Variants in ESR1 observed in about 807,000 individuals in gnomAD.
The protein encoded by ESR1 is estrogen receptor 1, also known as estrogen receptor.
In ESR1, 12 loss-of-function variants were observed where a neutral mutation model predicts 52.7. The observed-to-expected ratio is 0.23, with a 90% CI of 0.15 to 0.37. The LOEUF (loss-of-function observed/expected upper bound fraction) is 0.37, where lower values mean the gene tolerates loss of function less well. Ranked by LOEUF, ESR1 falls within the 10% of genes least tolerant of loss-of-function variation. ESR1 has a pLI of 1.00. For missense variants in ESR1, 584 were observed against 779.7 expected (o/e 0.75, Z 2.99); for synonymous variants, 305 against 316.8 (o/e 0.96, Z 0.39).
intron 2 of ESR1, among the ~76,000 whole-genome samples, chr6:151,726,318 G>A (rs925218084): frequency 6.6e-6 from 1 of 151,522 alleles, no homozygotes; most frequent in Non-Finnish European, 1.5e-5. Flanking sequence ...ACACTTTTAT[G>A]TTATTATTAA....
At chr6:151,782,420 A>G (rs896226737) in intron 2 of ESR1, among the ~76,000 whole-genome samples, 9 of 152,324 alleles carry the variant, frequency 5.9e-5, no homozygotes, top group Admixed American at 2.6e-4. Flanking sequence ...ATAAAGATTT[A>G]TTTAACCCTT....
intron 5 of ESR1, among the ~76,000 whole-genome samples, chr6:152,059,629 T>C (rs1024428582): frequency 6.6e-6 from 1 of 152,182 alleles, no homozygotes; most frequent in African/African-American, 2.4e-5. Flanking sequence ...ATCAACAGTC[T>C]ATTGTACAAG....
chr6:152,048,851 A>G (rs764287196), intron 5 of ESR1, among the ~76,000 whole-genome samples: 33 of 152,244 alleles, frequency 2.2e-4, no homozygotes, highest in Non-Finnish European at 4.1e-4. Flanking sequence ...TCTCAGATAT[A>G]TAACATAGAA....
intron 2 of ESR1, among the ~76,000 whole-genome samples, chr6:151,748,571 A>G (rs181835129): frequency 2.0e-5 from 3 of 152,310 alleles, no homozygotes; most frequent in Admixed American, 2.0e-4. Flanking sequence ...TCTTGAGTAC[A>G]TTTGTGAAGA....
chr6:151,685,967 G>C (rs558649920), upstream of ESR1, among the ~76,000 whole-genome samples: 6 of 151,748 alleles, frequency 4.0e-5, no homozygotes, highest in East Asian at 9.7e-4. Context: ...GCAGCGGCAC[G>C]AACGTGGCTC....
At chr6:151,742,513 G>A (rs908420157) in intron 2 of ESR1, among the ~76,000 whole-genome samples, 32 of 152,226 alleles carry the variant, frequency 2.1e-4, no homozygotes, top group African/African-American at 6.5e-4. Context: ...AGTTACCAGC[G>A]CTAACTCTGG....
At chr6:152,017,882 G>A (rs2043284227) in intron 5 of ESR1, among the ~76,000 whole-genome samples, 1 of 152,046 alleles carries the variant, frequency 6.6e-6, no homozygotes. Flanking sequence ...AGAAATATTT[G>A]CGGATTTCTC....
At chr6:151,980,339 A>T (rs1008928133) in intron 4 of ESR1, among the ~76,000 whole-genome samples, 3 of 152,290 alleles carry the variant, frequency 2.0e-5, no homozygotes, top group Admixed American at 2.0e-4. Flanking sequence ...TTAATTTCCC[A>T]GTCTCTTCTC....
chr6:151,781,331 C>T (rs115377932), intron 2 of ESR1, among the ~76,000 whole-genome samples: 1,686 of 152,264 alleles, frequency 0.011, 30 homozygotes, highest in African/African-American at 0.036. Flanking sequence ...TGGTGGAAGG[C>T]GGAAGGGCCA....
At chr6:151,934,795 T>C (rs1208997793) in intron 3 of ESR1, among the ~76,000 whole-genome samples, 1 of 152,212 alleles carries the variant, frequency 6.6e-6, no homozygotes, top group Non-Finnish European at 1.5e-5. Flanking sequence ...CAATTTGTAA[T>C]CTCTAATAAG....
chr6:151,903,241 C>T (rs559243775), intron 3 of ESR1, among the ~76,000 whole-genome samples: 32 of 152,146 alleles, frequency 2.1e-4, no homozygotes, highest in Non-Finnish European at 3.5e-4. Context: ...TGTTTTCCTT[C>T]TGAATTGCTA....
intron 6 of ESR1, among the ~76,000 whole-genome samples, chr6:152,091,590 A>ATGTG (rs2050183095): frequency 6.6e-6 from 1 of 152,176 alleles, no homozygotes; most frequent in Non-Finnish European, 1.5e-5. Context: ...GAAGGAACCC[A>ATGTG]CACGCACCTT....
intron 3 of ESR1, among the ~76,000 whole-genome samples, chr6:151,935,624 C>T (rs1255273484): frequency 6.6e-6 from 1 of 152,194 alleles, no homozygotes; most frequent in African/African-American, 2.4e-5. Flanking sequence ...GTCCTGACAC[C>T]CACCAACTCA....
chr6:151,953,787 C>T (rs2036595077), intron 4 of ESR1, among the ~76,000 whole-genome samples: 1 of 152,090 alleles, frequency 6.6e-6, no homozygotes. Context: ...AAGAATTCAC[C>T]TATTTCCTAT....
intron 5 of ESR1, among the ~76,000 whole-genome samples, chr6:152,049,477 T>C (rs1221554518): frequency 2.0e-5 from 3 of 152,208 alleles, no homozygotes; most frequent in African/African-American, 7.2e-5. Context: ...TGTGACTACA[T>C]GATTCAAGCT....
At chr6:151,963,931 T>A (rs2982686) in intron 4 of ESR1, among the ~76,000 whole-genome samples, 101 of 152,170 alleles carry the variant, frequency 6.6e-4, no homozygotes, top group African/African-American at 1.9e-3. Flanking sequence ...GAGGCTGTCC[T>A]TTCCCTATTG....
In ESR1 at chr6:151,762,879, G is replaced by T. The variant is rs185637310; in HGVS notation, c.-70-44964G>T. The stretch of plus-strand genomic sequence containing the variant: ...TTCAGGAGGCTGAGGCAGGAAAATC[G>T]CAGTGAGCCGAGATCACGCCACTGC... On this transcript the variant is annotated intron_variant, in intron 2 of 2. Transcript: ENST00000404742. Among the ~76,000 whole-genome samples the T allele has an allele frequency of 1.7e-3, 261 of 152,148 alleles. 1 individual carries two copies. The highest frequency in any genetic ancestry group is 6.0e-3 in the African/African-American group (250 of 41,508).
intron 3 of ESR1, among the ~76,000 whole-genome samples, chr6:151,938,799 C>A (rs9383598): frequency 1.2e-4 from 19 of 152,202 alleles, no homozygotes; most frequent in Non-Finnish European, 2.4e-4. Context: ...CTTACAACAA[C>A]GTGACGAGGA....
At chr6:151,673,455 C>A (rs1036800239) in intron 1 of ESR1, among the ~76,000 whole-genome samples, 1 of 152,112 alleles carries the variant, frequency 6.6e-6, no homozygotes, top group Non-Finnish European at 1.5e-5. Context: ...AATCAAAATG[C>A]CTTGGTATTA....
Sources: allele counts gnomAD v4.1 joint callset (sites outside exome capture counted in the v4.1 genomes callset), GRCh38; gene constraint gnomAD v4.1.1; transcripts MANE v1.5; gene names NCBI Gene and HGNC (gene_info 2026-07-23, HGNC 2026-07-21).